Variants in SERPINB3 observed in about 807,000 individuals in gnomAD.
SERPINB3 encodes the protein serpin family B member 3.
Under a neutral mutation model 33.0 loss-of-function variants are expected in SERPINB3, and 33 were observed. That is an observed-to-expected ratio of 1.00 (90% CI 0.76 to 1.34). SERPINB3 has a LOEUF of 1.34. Among genes scored for constraint, SERPINB3 ranks in the 40% most tolerant of loss-of-function variants. The pLI, the probability that SERPINB3 is intolerant of heterozygous loss-of-function variation, is 0.00. For synonymous variants in SERPINB3, 200 were observed against 170.9 expected (o/e 1.17, Z -1.33); for missense variants, 518 against 461.5 (o/e 1.12, Z -1.12).
chr18:63,661,560 G>A (rs1913647310), intron 1 of SERPINB3, among the ~76,000 whole-genome samples: 1 of 151,882 alleles, frequency 6.6e-6, no homozygotes, highest in African/African-American at 2.4e-5. Flanking sequence ...GACCTCTGTG[G>A]ATCACATCCA....
rs3180227 is a variant in SERPINB3, at chr18:63,655,778, C to A, written c.1052G>T (p.Gly351Val). 6.2e-7 allele frequency: 1 copy of A among 1,601,180 alleles called. No homozygotes were observed. Among genetic ancestry groups the A allele is most frequent in the South Asian group, 1.1e-5 (1 of 91,060 alleles). ...AEAAAATAVV[G>V]FGSSPTSTNE... Reference sequence around the variant, plus strand: ...AGTTGAAGTAGGTGATGATCCGAATCCTACTACAGCGGTGGCAGCTGCAGC... The same window carrying A: ...AGTTGAAGTAGGTGATGATCCGAATACTACTACAGCGGTGGCAGCTGCAGC... Residue 351 changes from glycine (G) to valine (V), a missense_variant, in exon 8 of 8, where the codon GGA becomes GTA. Coordinates refer to ENST00000283752, the MANE Select transcript of SERPINB3 (RefSeq NM_006919.3).
chr18:63,658,214 A>G (rs766824651), intron 5 of SERPINB3, among the ~76,000 whole-genome samples: 1 of 152,184 alleles, frequency 6.6e-6, no homozygotes, highest in South Asian at 2.1e-4. Flanking sequence ...AGTAAAGGAC[A>G]TGATCTCAAA....
In SERPINB3 at chr18:63,657,301, T is replaced by A. The variant is rs753844606; in HGVS notation, c.581A>T (p.Asp194Val). ...TGGCCAAAATTTTTCCTCTTTAGTATCTTCTTTATTAAATTTCTTCTCCCA... is the reference window on the plus strand; with the variant it reads ...TGGCCAAAATTTTTCCTCTTTAGTAACTTCTTTATTAAATTTCTTCTCCCA... ...GQWEKKFNKEDTKEEKFWPNK... is the reference protein window; with the variant it reads ...GQWEKKFNKEVTKEEKFWPNK... Residue 194 changes from aspartate (D) to valine (V), a missense_variant, in exon 6 of 8, where the codon GAT becomes GTT. Coordinates refer to ENST00000283752, the MANE Select transcript of SERPINB3 (RefSeq NM_006919.3). The A allele has an allele frequency of 1.9e-6, 3 of 1,602,772 alleles. No individual in the cohort carries two copies. Among genetic ancestry groups the A allele is most frequent in the Non-Finnish European group, 2.6e-6 (3 of 1,171,940 alleles).
Position 63,659,415 on chromosome 18 carries a change from G to C in SERPINB3, c.335C>G (p.Thr112Arg). 1.9e-6 allele frequency: 3 copies of C among 1,613,468 alleles called. No individual in the cohort carries two copies. Among genetic ancestry groups the C allele is most frequent in the African/African-American group, 1.3e-5 (1 of 74,982 alleles). Residue 112 changes from threonine to arginine, a missense_variant, in exon 4 of 8, where the codon ACG becomes AGG. Thr to Arg is a moderately conservative substitution (Grantham distance 71). Coordinates refer to ENST00000283752, the MANE Select transcript of SERPINB3 (RefSeq NM_006919.3). Reference sequence around the variant, plus strand: ...TGAAATTACCTGTAAAAATAGATACGTTTTTTCTCCGAAGAGCTTGTTGGC... The same window carrying C: ...TGAAATTACCTGTAAAAATAGATACCTTTTTTCTCCGAAGAGCTTGTTGGC... ...KIANKLFGEK[T>R]YLFLQEYLDA...
At position 63,656,845 on chromosome 18, in the gene SERPINB3, C is replaced by G; in HGVS notation, c.754G>C (p.Asp252His). Residue 252 changes from aspartate (D) to histidine (H), a missense_variant, in exon 7 of 8, where the codon GAT becomes CAT. Coordinates refer to ENST00000283752, the MANE Select transcript of SERPINB3 (RefSeq NM_006919.3). Reference sequence around the variant, plus strand: ...CAAGTTCTTACCTTCTGGAGACCATCGATTTCATTTGGCAGCAACACAATC... The same window carrying G: ...CAAGTTCTTACCTTCTGGAGACCATGGATTTCATTTGGCAGCAACACAATC... Reference protein sequence around the residue: ...SMIVLLPNEIDGLQKLEEKLT... With the variant: ...SMIVLLPNEIHGLQKLEEKLT... 6.2e-7 allele frequency: 1 copy of G among 1,609,758 alleles called. No individual in the cohort carries two copies. Among genetic ancestry groups the G allele is most frequent in the Non-Finnish European group, 8.5e-7 (1 of 1,177,234 alleles).
chr18:63,658,419 C>T (rs1913553177), intron 5 of SERPINB3, 94 bp downstream of exon 5: 5 of 1,061,842 alleles, frequency 4.7e-6, no homozygotes, highest in Middle Eastern at 3.1e-4. Context: ...AAAGCCATCT[C>T]AATTCCCACC....
intron 4 of SERPINB3, among the ~76,000 whole-genome samples, chr18:63,659,125 G>A (rs899201417): frequency 3.3e-5 from 5 of 152,054 alleles, no homozygotes; most frequent in African/African-American, 7.2e-5. Flanking sequence ...CCAGTTTATC[G>A]ATGGTATCTT....
chr18:63,660,888 T>C (rs757150953), intron 2 of SERPINB3, 32 bp from the exon 3 acceptor site: 3 of 1,612,868 alleles, frequency 1.9e-6, no homozygotes, highest in Non-Finnish European at 2.5e-6. Context: ...ACAAGAAAAC[T>C]TTACTCAAAA....
At chr18:63,657,789 T>A (rs1206735700) in intron 5 of SERPINB3, among the ~76,000 whole-genome samples, 1 of 144,500 alleles carries the variant, frequency 6.9e-6, no homozygotes, top group East Asian at 2.0e-4. Context: ...TTTTTTTTTT[T>A]AACTACGGGG....
intron 7 of SERPINB3, among the ~76,000 whole-genome samples, chr18:63,656,346 A>T (rs996805795): frequency 2.0e-5 from 3 of 152,200 alleles, no homozygotes; most frequent in African/African-American, 7.2e-5. Context: ...AAATATGATT[A>T]CATTATTTTG....
Position 63,656,457 on chromosome 18 carries a change from G to T in SERPINB3, c.768+374C>A, listed in dbSNP as rs529508210. Among the ~76,000 whole-genome samples, 40 of 152,026 alleles carry T rather than the reference G, an allele frequency of 2.6e-4. 1 individual carries two copies. In the South Asian group the frequency reaches 8.3e-3, roughly 32 times the overall value. On this transcript the variant is annotated intron_variant, in intron 7 of 7. Coordinates refer to ENST00000283752, the MANE Select transcript of SERPINB3 (RefSeq NM_006919.3). ...CTTATTTTTCTGTATACATTATTTA[G>T]TACACATTGCAATTATTAAATTGCA... is the stretch of plus-strand genomic sequence containing the variant.
intron 4 of SERPINB3, among the ~76,000 whole-genome samples, chr18:63,658,957 G>A (rs572286827): frequency 6.6e-6 from 1 of 152,258 alleles, no homozygotes; most frequent in South Asian, 2.1e-4. Context: ...CAACCATGAT[G>A]TTTCTGATCT....
intron 7 of SERPINB3, among the ~76,000 whole-genome samples, chr18:63,656,270 A>G (rs1469610632): frequency 7.0e-6 from 1 of 143,482 alleles, no homozygotes. Flanking sequence ...GTATAAACAG[A>G]ATCAAGTTTT....
chr18:63,658,745 G>T, intron 4 of SERPINB3, 115 bp from the exon 5 acceptor site: 2 of 765,458 alleles, frequency 2.6e-6, no homozygotes, highest in Non-Finnish European at 4.2e-6. Context: ...AATAGATGCA[G>T]TATCTCCTGT....
rs1913482641 is a variant in SERPINB3, at chr18:63,655,900, C to G, written c.930G>C (p.Gly310=). The part of the protein sequence containing the change: ...RTMGMVDIFN[G]DADLSGMTGS... ...CGGTCATGCCTGAGAGGTCTGCATC[C>G]CCATTGAAGATATCCACCATTCCCA... Residue 310 remains glycine (G), a synonymous_variant, in exon 8 of 8, where the codon GGG becomes GGC. Transcript: ENST00000283752. The G allele has an allele frequency of 6.2e-7, 1 of 1,613,962 alleles. No homozygotes were observed. The highest frequency in any genetic ancestry group is 1.1e-5 in the South Asian group (1 of 91,078).
chr18:63,656,292 A>AT (rs1199439165), intron 7 of SERPINB3, among the ~76,000 whole-genome samples: 2 of 151,112 alleles, frequency 1.3e-5, no homozygotes, highest in East Asian at 1.9e-4. Flanking sequence ...ATGTATATGT[A>AT]ATGTGTACAT....
rs1436561643 is a variant in SERPINB3, at chr18:63,655,962, C to T, written c.868G>A (p.Glu290Lys). ...VDLHLPRFKV[E>K]ESYDLKDTLR... ...GTGTCCTTGAGGTCATAGCTCTCTT[C>T]CACTTTGAACCGAGGTAAGTGTAAA... Residue 290 changes from glutamate to lysine, a missense_variant, in exon 8 of 8, where the codon GAA becomes AAA. By Grantham distance (56) the Glu-to-Lys change is moderately conservative. Transcript: ENST00000283752. 17 of 1,614,018 alleles carry T rather than the reference C, an allele frequency of 1.1e-5. No homozygotes were observed. Among genetic ancestry groups the T allele is most frequent in the African/African-American group, 1.3e-5 (1 of 75,034 alleles).
intron 5 of SERPINB3, 90 bp from the exon 6 acceptor site, chr18:63,657,502 A>C (rs1913529136): frequency 9.0e-7 from 1 of 1,113,542 alleles, no homozygotes. Flanking sequence ...CTGATCGTTA[A>C]TTATTGACCC....
chr18:63,657,023 A>C, intron 6 of SERPINB3, 37 bp from the exon 7 acceptor site: 1 of 1,541,496 alleles, frequency 6.5e-7, no homozygotes, highest in Non-Finnish European at 8.9e-7. Context: ...ATACCAAGTG[A>C]GACACAAGGC....
Sources: gnomAD v4.1 joint callset for allele counts (sites outside exome capture counted in the v4.1 genomes callset) on GRCh38, gnomAD v4.1.1 for gene constraint, MANE v1.5 for transcripts, NCBI Gene and HGNC (gene_info 2026-07-23, HGNC 2026-07-21) for gene names.